Variants in NAALADL2 observed in about 807,000 individuals in gnomAD.
NAALADL2 encodes N-acetylated alpha-linked acidic dipeptidase like 2.
NAALADL2 carries 76 observed loss-of-function variants against 87.2 expected under a neutral mutation model. The observed-to-expected ratio is 0.87, with a 90% CI of 0.72 to 1.05. The LOEUF (loss-of-function observed/expected upper bound fraction) is 1.05, where lower values mean the gene tolerates loss of function less well. Among genes scored for constraint, NAALADL2 ranks in the 50% least tolerant of loss-of-function variants. The pLI is 0.00. For missense variants in NAALADL2, 1,089 were observed against 945.8 expected (o/e 1.15, Z -1.99); for synonymous variants, 354 against 331.0 (o/e 1.07, Z -0.75).
intron 2 of NAALADL2, among the ~76,000 whole-genome samples, chr3:174,635,143 C>A (rs1371696658): frequency 1.3e-5 from 2 of 152,180 alleles, no homozygotes; most frequent in African/African-American, 4.8e-5. Flanking sequence ...GTGACCTTCT[C>A]ATTTTAAGCC....
At chr3:175,122,455 GTAA>G (rs1726299242) in intron 2 of NAALADL2, among the ~76,000 whole-genome samples, 2 of 151,866 alleles carry the variant, frequency 1.3e-5, no homozygotes, top group Admixed American at 1.3e-4. Context: ...ATGAATAGGT[GTAA>G]TGAGACATTA....
At position 175,126,999 on chromosome 3, in the gene NAALADL2, A is replaced by G. The variant is rs568389167; in HGVS notation, c.545+29708A>G. 3.3e-5 allele frequency among the ~76,000 whole-genome samples: 5 copies of G among 152,074 alleles called. No homozygotes were observed. In the South Asian group the frequency reaches 1.0e-3, roughly 32 times the overall value. On this transcript the variant is annotated intron_variant, in intron 2 of 13. Coordinates refer to ENST00000454872, the MANE Select transcript of NAALADL2 (RefSeq NM_207015.3). ...TTCAGTTAATATGGGTCTGAGGGGT[A>G]AAGAAACAGGATACTTAGGTGAATC...
chr3:175,421,302 G>T (rs1051373087), intron 5 of NAALADL2, among the ~76,000 whole-genome samples: 6 of 151,976 alleles, frequency 3.9e-5, no homozygotes, highest in Non-Finnish European at 8.8e-5. Flanking sequence ...CACAGCAGCA[G>T]TACCAGCAGC....
chr3:175,162,944 A>C (rs1490344081), intron 2 of NAALADL2, among the ~76,000 whole-genome samples: 1 of 152,102 alleles, frequency 6.6e-6, no homozygotes, highest in Non-Finnish European at 1.5e-5. Context: ...AATGATGTTG[A>C]CATATGAAAA....
intron 1 of NAALADL2, among the ~76,000 whole-genome samples, chr3:174,467,205 C>T (rs1005448842): frequency 7.9e-5 from 12 of 152,258 alleles, no homozygotes; most frequent in African/African-American, 2.9e-4. Flanking sequence ...TATATACACC[C>T]TTTAACATGA....
intron 1 of NAALADL2, among the ~76,000 whole-genome samples, chr3:175,060,922 G>A (rs1377120815): frequency 3.3e-5 from 5 of 151,952 alleles, no homozygotes; most frequent in Non-Finnish European, 5.9e-5. Flanking sequence ...TGGCACATGC[G>A]GTAATCCCAG....
chr3:175,219,960 ATTGT>A (rs1010592757), intron 2 of NAALADL2, among the ~76,000 whole-genome samples: 3 of 149,816 alleles, frequency 2.0e-5, no homozygotes, highest in Admixed American at 6.6e-5. Context: ...TAATTTTCTA[ATTGT>A]TTGTTATTTT....
At chr3:175,231,343 C>T (rs766318812) in intron 2 of NAALADL2, among the ~76,000 whole-genome samples, 23 of 151,936 alleles carry the variant, frequency 1.5e-4, no homozygotes, top group Admixed American at 3.9e-4. Flanking sequence ...ACATCGTATA[C>T]GTTGTATATT....
At chr3:174,781,953 A>G (rs908709303) in intron 3 of NAALADL2, among the ~76,000 whole-genome samples, 5 of 152,118 alleles carry the variant, frequency 3.3e-5, no homozygotes, top group African/African-American at 9.7e-5. Context: ...GTGTTCATGT[A>G]TTACTTAATA....
At chr3:175,210,023 A>G (rs79080982) in intron 2 of NAALADL2, among the ~76,000 whole-genome samples, 11,970 of 151,908 alleles carry the variant, frequency 0.079, 1,286 homozygotes, top group African/African-American at 0.24. Flanking sequence ...AATATTATAC[A>G]TACAATAGAA....
chr3:175,064,266 A>G (rs1163515663), intron 1 of NAALADL2, among the ~76,000 whole-genome samples: 1 of 151,518 alleles, frequency 6.6e-6, no homozygotes, highest in East Asian at 1.9e-4. Context: ...AAAAAGAAAA[A>G]CGACAACAAA....
At chr3:174,475,362 G>T (rs140311127) in intron 1 of NAALADL2, among the ~76,000 whole-genome samples, 1 of 151,882 alleles carries the variant, frequency 6.6e-6, no homozygotes, top group East Asian at 1.9e-4. Flanking sequence ...ATCATACTTA[G>T]AATACATTTC....
chr3:175,010,498 C>T (rs1360723380), intron 1 of NAALADL2, among the ~76,000 whole-genome samples: 1 of 152,090 alleles, frequency 6.6e-6, no homozygotes, highest in East Asian at 1.9e-4. Flanking sequence ...GTTTTGGCAG[C>T]AAAATTATCT....
chr3:174,685,290 C>T (rs2108837361), intron 2 of NAALADL2, among the ~76,000 whole-genome samples: 1 of 152,162 alleles, frequency 6.6e-6, no homozygotes, highest in South Asian at 2.1e-4. Context: ...TCCCTTTGCC[C>T]AGGCCCAAAT....
chr3:175,000,050 C>A (rs1748024229), intron 1 of NAALADL2, among the ~76,000 whole-genome samples: 3 of 152,086 alleles, frequency 2.0e-5, no homozygotes, highest in Non-Finnish European at 2.9e-5. Flanking sequence ...TAAATTAATT[C>A]TCCAGTTCAC....
chr3:175,150,671 A>G (rs1474242060), intron 2 of NAALADL2, among the ~76,000 whole-genome samples: 3 of 152,166 alleles, frequency 2.0e-5, no homozygotes, highest in African/African-American at 7.2e-5. Flanking sequence ...AAGGGATATA[A>G]AGATTATCAG....
chr3:175,299,043 C>T (rs1756711264), intron 4 of NAALADL2, among the ~76,000 whole-genome samples: 2 of 152,200 alleles, frequency 1.3e-5, no homozygotes, highest in South Asian at 4.1e-4. Flanking sequence ...TGCGGAACAA[C>T]TTAAATACTA....
chr3:175,623,603 C>G (rs1293032274), intron 10 of NAALADL2, among the ~76,000 whole-genome samples: 1 of 151,940 alleles, frequency 6.6e-6, no homozygotes, highest in African/African-American at 2.4e-5. Flanking sequence ...AAGTGTTTCT[C>G]TAACAGAGAG....
chr3:175,603,573 G>T (rs907126006), intron 10 of NAALADL2, among the ~76,000 whole-genome samples: 17 of 152,078 alleles, frequency 1.1e-4, no homozygotes, highest in Non-Finnish European at 2.1e-4. Context: ...TCCAGTACTT[G>T]TCTTTTTGTG....
Sources: gnomAD v4.1 joint callset for allele counts (sites outside exome capture counted in the v4.1 genomes callset) on GRCh38, gnomAD v4.1.1 for gene constraint, MANE v1.5 for transcripts, NCBI Gene and HGNC (gene_info 2026-07-23, HGNC 2026-07-21) for gene names.